TENM2: variants seen among roughly 807,000 people sequenced by gnomAD.
TENM2 encodes the protein teneurin transmembrane protein 2, also known as teneurin-2.
Under a neutral mutation model 245.2 loss-of-function variants are expected in TENM2, and 52 were observed. That is an observed-to-expected ratio of 0.21 (90% CI 0.17 to 0.27). The LOEUF (loss-of-function observed/expected upper bound fraction) is 0.27, where lower values mean the gene tolerates loss of function less well. Among genes scored for constraint, TENM2 ranks in the 10% least tolerant of loss-of-function variants. TENM2 has a pLI of 1.00. For synonymous variants in TENM2, 1,363 were observed against 1,438.9 expected (o/e 0.95, Z 1.19); for missense variants, 3,046 against 3,666.8 (o/e 0.83, Z 4.37).
At chr5:167,790,430 C>T (rs1764871151) in intron 2 of TENM2, among the ~76,000 whole-genome samples, 1 of 152,198 alleles carries the variant, frequency 6.6e-6, no homozygotes, top group Non-Finnish European at 1.5e-5. Context: ...ATGATTCCTA[C>T]TTAGAAAATG....
the TENM2 span, among the ~76,000 whole-genome samples, chr5:167,200,456 A>G: frequency 6.6e-6 from 1 of 151,938 alleles, no homozygotes; most frequent in Admixed American, 6.6e-5. Context: ...ATCTATGCAC[A>G]GAAGTCCAAG....
intron 3 of TENM2, among the ~76,000 whole-genome samples, chr5:167,894,688 A>G (rs1029848783): frequency 4.6e-5 from 7 of 152,076 alleles, no homozygotes; most frequent in Non-Finnish European, 8.8e-5. Flanking sequence ...TGCACTTAGT[A>G]TGCACTCCAT....
At chr5:167,325,983 A>T (rs1052153056) in intron 1 of TENM2, among the ~76,000 whole-genome samples, 1 of 152,208 alleles carries the variant, frequency 6.6e-6, no homozygotes, top group African/African-American at 2.4e-5. Flanking sequence ...AACCCTTTAC[A>T]TGGACCTGTC....
intron 3 of TENM2, among the ~76,000 whole-genome samples, chr5:167,908,983 T>C (rs1776332859): frequency 6.6e-6 from 1 of 152,102 alleles, no homozygotes; most frequent in African/African-American, 2.4e-5. Context: ...TGGTTATGCA[T>C]GACTTAAATA....
chr5:167,457,875 GT>G (rs774112549), intron 2 of TENM2, among the ~76,000 whole-genome samples: 2 of 152,144 alleles, frequency 1.3e-5, no homozygotes, highest in African/African-American at 2.4e-5. Context: ...CATTGAGAGA[GT>G]TTTTACTTTC....
chr5:168,170,984 C>T (rs1758768289), intron 13 of TENM2, among the ~76,000 whole-genome samples: 1 of 152,212 alleles, frequency 6.6e-6, no homozygotes, highest in South Asian at 2.1e-4. Context: ...GGAAGCTCTG[C>T]CTCATCCACT....
chr5:167,276,902 T>C, the TENM2 span, among the ~76,000 whole-genome samples: 1 of 152,140 alleles, frequency 6.6e-6, no homozygotes, highest in Non-Finnish European at 1.5e-5. Flanking sequence ...CCCATGGATA[T>C]GGTGGGCCAG....
the TENM2 span, among the ~76,000 whole-genome samples, chr5:167,081,460 TA>T: frequency 6.6e-6 from 1 of 152,178 alleles, no homozygotes; most frequent in Non-Finnish European, 1.5e-5. Flanking sequence ...TTTTGCTTTT[TA>T]AAAGTTTCAA....
the TENM2 span, among the ~76,000 whole-genome samples, chr5:167,180,059 C>T: frequency 6.6e-6 from 1 of 151,562 alleles, no homozygotes; most frequent in South Asian, 2.1e-4. Flanking sequence ...GCTGTGTCCT[C>T]CCACCTTCCG....
At chr5:167,583,100 A>G (rs1775210181) in intron 2 of TENM2, among the ~76,000 whole-genome samples, 1 of 152,214 alleles carries the variant, frequency 6.6e-6, no homozygotes, top group African/African-American at 2.4e-5. Context: ...GCCATGAACT[A>G]TTTGATAGTG....
At chr5:167,739,879 T>G (rs147425148) in intron 2 of TENM2, among the ~76,000 whole-genome samples, 20 of 152,216 alleles carry the variant, frequency 1.3e-4, no homozygotes, top group African/African-American at 4.8e-4. Context: ...CCATCCCCAG[T>G]GCAGTTTTCC....
At chr5:167,638,100 TG>T (rs1244610884) in intron 2 of TENM2, among the ~76,000 whole-genome samples, 4 of 16,862 alleles carry the variant, frequency 2.4e-4, no homozygotes, top group African/African-American at 6.9e-4. Flanking sequence ...GGTGTGTGTG[TG>T]TGTGTGTGTG....
At chr5:167,106,045 T>C in the TENM2 span, among the ~76,000 whole-genome samples, 1 of 152,048 alleles carries the variant, frequency 6.6e-6, no homozygotes, top group Non-Finnish European at 1.5e-5. Flanking sequence ...TCTTGCTCTC[T>C]TTTGAAAATA....
intron 28 of TENM2, among the ~76,000 whole-genome samples, chr5:168,261,503 G>A (rs1562351081): frequency 6.6e-6 from 1 of 152,238 alleles, no homozygotes; most frequent in Non-Finnish European, 1.5e-5. Flanking sequence ...AGGTCCCAGT[G>A]ATTCCTCTGC....
intron 12 of TENM2, among the ~76,000 whole-genome samples, chr5:168,143,727 T>G (rs1755761011): frequency 6.6e-6 from 1 of 151,998 alleles, no homozygotes; most frequent in Non-Finnish European, 1.5e-5. Flanking sequence ...ATACCGGAAG[T>G]GTAGAAAGGC....
the TENM2 span, among the ~76,000 whole-genome samples, chr5:167,164,132 C>T: frequency 3.3e-5 from 5 of 152,188 alleles, no homozygotes; most frequent in South Asian, 6.2e-4. Flanking sequence ...GAACATCTCT[C>T]ATCTCAGTTT....
At chr5:167,193,380 C>A in the TENM2 span, among the ~76,000 whole-genome samples, 2 of 151,828 alleles carry the variant, frequency 1.3e-5, 1 homozygote, top group South Asian at 4.2e-4. Flanking sequence ...GAAACTTAGG[C>A]AGGGGATATC....
At chr5:167,210,608 C>G in the TENM2 span, among the ~76,000 whole-genome samples, 4 of 151,498 alleles carry the variant, frequency 2.6e-5, no homozygotes, top group African/African-American at 7.3e-5. Context: ...GGACTACAGG[C>G]GCCCGCCACC....
At chr5:167,057,427 C>T in the TENM2 span, among the ~76,000 whole-genome samples, 5 of 152,144 alleles carry the variant, frequency 3.3e-5, no homozygotes, top group East Asian at 7.8e-4. Context: ...GCATGGTGTA[C>T]TGGGTAAAAA....
Sources: allele counts gnomAD v4.1 joint callset (sites outside exome capture counted in the v4.1 genomes callset), GRCh38; gene constraint gnomAD v4.1.1; transcripts MANE v1.5; gene names NCBI Gene and HGNC (gene_info 2026-07-23, HGNC 2026-07-21).